Variants in DGKG observed in about 807,000 individuals in gnomAD.
DGKG encodes the protein diacylglycerol kinase gamma, also known as DAG kinase gamma.
A neutral mutation model predicts 105.3 loss-of-function variants in DGKG; 78 were observed. The ratio of observed to expected loss-of-function variants is 0.74; its 90% confidence interval spans 0.62 to 0.89. DGKG has a LOEUF of 0.89. Among genes scored for constraint, DGKG ranks in the 40% least tolerant of loss-of-function variants. The pLI, the probability that DGKG is intolerant of heterozygous loss-of-function variation, is 0.00. For synonymous variants in DGKG, 346 were observed against 367.1 expected (o/e 0.94, Z 0.66); for missense variants, 958 against 1,020.1 (o/e 0.94, Z 0.83).
chr3:186,331,475 G>C (rs1375110911), intron 1 of DGKG, among the ~76,000 whole-genome samples: 1 of 152,342 alleles, frequency 6.6e-6, no homozygotes, highest in South Asian at 2.1e-4. Flanking sequence ...AAAGTCTTGG[G>C]ATTGCATTCT....
At chr3:186,180,384 G>A (rs1372254243) in intron 22 of DGKG, among the ~76,000 whole-genome samples, 1 of 152,076 alleles carries the variant, frequency 6.6e-6, no homozygotes, top group African/African-American at 2.4e-5. Flanking sequence ...ATGTTGAACG[G>A]GAATGACATG....
At chr3:186,157,932 ACCTCAAGTAAT>A (rs1716116589) in intron 24 of DGKG, among the ~76,000 whole-genome samples, 1 of 152,238 alleles carries the variant, frequency 6.6e-6, no homozygotes, top group East Asian at 1.9e-4. Flanking sequence ...CAAACTCCTG[ACCTCAAGTAAT>A]CCTCGTGCCT....
intron 8 of DGKG, 45 bp from the exon 9 acceptor site, chr3:186,280,018 A>C: frequency 6.2e-7 from 1 of 1,610,328 alleles, no homozygotes; most frequent in Non-Finnish European, 8.5e-7. Flanking sequence ...CATCATCGAC[A>C]TGTCTACCTG....
At chr3:186,265,810 G>T (rs1038053594) in intron 13 of DGKG, among the ~76,000 whole-genome samples, 9 of 151,700 alleles carry the variant, frequency 5.9e-5, no homozygotes, top group African/African-American at 1.9e-4. Flanking sequence ...CTACAGGTGC[G>T]TGCCACCACG....
rs921014513 is a variant in DGKG, at chr3:186,250,611, G to C, written c.1761+1148C>G. On this transcript the variant is annotated intron_variant, in intron 19 of 24. Transcript: ENST00000265022. ...GTTGTCCAGGTTGGAGTGCAATGGC[G>C]TGATCTCGGCTCATTGCAACCTCTT... 2.8e-5 allele frequency among the ~76,000 whole-genome samples: 4 copies of C among 144,674 alleles called. No individual in the cohort carries two copies. In the South Asian group the frequency reaches 8.7e-4, roughly 32 times the overall value. 94.9% of individuals were successfully genotyped at this position (144,674 alleles called of 152,430 possible). A position where few individuals can be genotyped will look rare whatever the true frequency, so the allele number is the denominator to read the frequency against.
At chr3:186,306,298 A>G (rs1317042165) in intron 3 of DGKG, among the ~76,000 whole-genome samples, 1 of 152,210 alleles carries the variant, frequency 6.6e-6, no homozygotes, top group Non-Finnish European at 1.5e-5. Context: ...TGTTTTTAAT[A>G]TAGAAGAAAT....
In DGKG at chr3:186,303,119, AG is replaced by A. The variant is rs1724057641; in HGVS notation, c.144+3781del. 2.6e-5 allele frequency among the ~76,000 whole-genome samples: 4 copies of A among 152,312 alleles called. No homozygotes were observed. The South Asian group carries it at 8.3e-4, about 32-fold the overall frequency. On this transcript the variant is annotated intron_variant, in intron 3 of 24. Transcript: ENST00000265022. ...ATAGTGCTCCCTGACACTCCCTCCCAGTATCCCATGTTCAGCAGGCAAAGAC... is the reference window on the plus strand; with the variant it reads ...ATAGTGCTCCCTGACACTCCCTCCCATATCCCATGTTCAGCAGGCAAAGAC...
chr3:186,280,765 A>G (rs766176643), intron 7 of DGKG, 21 bp from the exon 8 acceptor site: 2 of 1,603,230 alleles, frequency 1.2e-6, no homozygotes, highest in South Asian at 2.2e-5. Flanking sequence ...GCAAAGGGAG[A>G]AAATATCAAA....
intron 3 of DGKG, among the ~76,000 whole-genome samples, chr3:186,305,924 GT>G (rs1449953507): frequency 6.6e-6 from 1 of 152,156 alleles, no homozygotes; most frequent in Non-Finnish European, 1.5e-5. Flanking sequence ...GGACACATCA[GT>G]TTAGCTCATG....
intron 20 of DGKG, among the ~76,000 whole-genome samples, chr3:186,215,237 C>T (rs1449890971): frequency 2.0e-5 from 3 of 152,022 alleles, no homozygotes; most frequent in African/African-American, 7.2e-5. Context: ...ATGGTGAAAC[C>T]CCATCTCTAC....
chr3:186,355,198 C>CATCACCGCT (rs1726856239), intron 1 of DGKG, among the ~76,000 whole-genome samples: 1 of 141,206 alleles, frequency 7.1e-6, no homozygotes, highest in African/African-American at 2.5e-5. Flanking sequence ...CCATCAATAC[C>CATCACCGCT]ACCACCAACA....
At chr3:186,251,648 G>A in intron 19 of DGKG, 111 bp downstream of exon 19, 1 of 1,273,076 alleles carries the variant, frequency 7.9e-7, no homozygotes, top group Non-Finnish European at 1.1e-6. Flanking sequence ...TCAGGGCTGG[G>A]GGGGCAGGTA....
At chr3:186,161,685 G>T (rs763335483) in intron 23 of DGKG, 22 bp from the exon 24 acceptor site, 2 of 1,614,122 alleles carry the variant, frequency 1.2e-6, no homozygotes, top group South Asian at 1.1e-5. Context: ...AACACCAAGA[G>T]AACACAGTGA....
chr3:186,209,551 A>G (rs1022187388), intron 21 of DGKG, among the ~76,000 whole-genome samples: 1 of 152,114 alleles, frequency 6.6e-6, no homozygotes, highest in Admixed American at 6.5e-5. Context: ...TGTAGTAGCA[A>G]TGCCTCAGTG....
At chr3:186,219,331 G>A (rs560778335) in intron 20 of DGKG, among the ~76,000 whole-genome samples, 40 of 152,044 alleles carry the variant, frequency 2.6e-4, no homozygotes, top group Non-Finnish European at 5.1e-4. Context: ...TCTAATCCAC[G>A]CTGCATGCTG....
rs990275296 is a variant in DGKG, at chr3:186,148,601, T to C, written c.*1489A>G. The C allele has an allele frequency of 4.1e-6, 4 of 985,252 alleles. No homozygotes were observed. The African/African-American group carries it at 7.0e-5, about 17-fold the overall frequency. 61.0% of individuals were successfully genotyped at this position (985,252 alleles called of 1,614,324 possible). On this transcript the variant is annotated 3_prime_UTR_variant, in exon 25 of 25. Coordinates refer to ENST00000265022, the MANE Select transcript of DGKG (RefSeq NM_001346.3). ...TGAGATGTGTGGGTTCTTTTCTCCA[T>C]TAAATATCTTTGTAACGGCACCTAC...
chr3:186,224,009 TC>T (rs1445710209), intron 20 of DGKG, among the ~76,000 whole-genome samples: 1 of 152,226 alleles, frequency 6.6e-6, no homozygotes, highest in Non-Finnish European at 1.5e-5. Flanking sequence ...CCCAGCCAGT[TC>T]CTTGGGAGAG....
chr3:186,275,339 T>C (rs1407962059), intron 10 of DGKG, among the ~76,000 whole-genome samples: 1 of 152,172 alleles, frequency 6.6e-6, no homozygotes, highest in African/African-American at 2.4e-5. Context: ...AAGCCTCCAA[T>C]AATAAATAGT....
intron 1 of DGKG, among the ~76,000 whole-genome samples, chr3:186,355,304 C>CA (rs1185843783): frequency 4.4e-4 from 61 of 138,748 alleles, no homozygotes; most frequent in South Asian, 9.3e-4. Flanking sequence ...CCATTATTGT[C>CA]ACCCCCCACC....
Sources: gnomAD v4.1 joint callset for allele counts (sites outside exome capture counted in the v4.1 genomes callset) on GRCh38, gnomAD v4.1.1 for gene constraint, MANE v1.5 for transcripts, NCBI Gene and HGNC (gene_info 2026-07-23, HGNC 2026-07-21) for gene names.